Variants in MACROD1 observed in about 807,000 individuals in gnomAD.
The protein encoded by MACROD1 is ADP-ribose glycohydrolase MACROD1.
In MACROD1, 31 loss-of-function variants were observed where a neutral mutation model predicts 41.4. That is an observed-to-expected ratio of 0.75 (90% CI 0.56 to 1.01). The LOEUF (loss-of-function observed/expected upper bound fraction) is 1.01, where lower values mean the gene tolerates loss of function less well. Among genes scored for constraint, MACROD1 ranks in the 50% least tolerant of loss-of-function variants. The probability of loss-of-function intolerance (pLI) is 0.00; values close to 1 mark genes in which losing one functional copy is unlikely to be tolerated. For synonymous variants in MACROD1, 252 were observed against 203.4 expected (o/e 1.24, Z -2.03); for missense variants, 473 against 460.0 (o/e 1.03, Z -0.26).
intron 4 of MACROD1, chr11:64,001,611 A>G: frequency 1.4e-6 from 1 of 701,410 alleles, no homozygotes; most frequent in East Asian, 2.7e-5. Flanking sequence ...AGCTGGCACC[A>G]GGCAATTTCC....
chr11:64,157,240 G>A (rs2134721899), intron 1 of MACROD1, among the ~76,000 whole-genome samples: 1 of 152,190 alleles, frequency 6.6e-6, no homozygotes, highest in East Asian at 1.9e-4. Context: ...TTACAGGCAT[G>A]CACCACCACA....
chr11:64,001,955 G>A, intron 4 of MACROD1: 1 of 597,954 alleles, frequency 1.7e-6, no homozygotes, highest in South Asian at 1.9e-5. Flanking sequence ...TGGAAAATGG[G>A]ATAATAGCAC....
At chr11:64,119,862 C>T (rs980845158) in intron 3 of MACROD1, among the ~76,000 whole-genome samples, 11 of 152,104 alleles carry the variant, frequency 7.2e-5, no homozygotes, top group African/African-American at 2.7e-4. Context: ...ATAATGACAG[C>T]GAATTGGAGA....
intron 1 of MACROD1, among the ~76,000 whole-genome samples, chr11:64,160,894 C>CG (rs1401718421): frequency 5.3e-5 from 8 of 151,744 alleles, no homozygotes; most frequent in African/African-American, 1.9e-4. Flanking sequence ...GAGTGGGGGC[C>CG]GGGATGGTGG....
At chr11:64,054,519 C>G (rs1943749070) in intron 3 of MACROD1, among the ~76,000 whole-genome samples, 1 of 152,126 alleles carries the variant, frequency 6.6e-6, no homozygotes, top group Admixed American at 6.5e-5. Context: ...TGCATCTTCT[C>G]TCTGCTCAGA....
chr11:64,035,618 G>A (rs1206652820), intron 3 of MACROD1, among the ~76,000 whole-genome samples: 1 of 123,076 alleles, frequency 8.1e-6, no homozygotes, highest in African/African-American at 3.1e-5. Flanking sequence ...AGGGGGGCGC[G>A]GAGGCCGCTT....
chr11:64,037,521 G>A (rs944495176), intron 3 of MACROD1, among the ~76,000 whole-genome samples: 9 of 152,202 alleles, frequency 5.9e-5, no homozygotes, highest in African/African-American at 2.2e-4. Context: ...TGAGCTGACA[G>A]GGCCCGTGCC....
intron 3 of MACROD1, among the ~76,000 whole-genome samples, chr11:64,066,991 C>A (rs1944017118): frequency 6.6e-6 from 1 of 152,216 alleles, no homozygotes; most frequent in South Asian, 2.1e-4. Flanking sequence ...GCATCCCAAG[C>A]CTCTGCCCTC....
At chr11:64,151,544 G>A (rs1216943328) in intron 2 of MACROD1, among the ~76,000 whole-genome samples, 189 bp from the exon 3 acceptor site, 1 of 152,168 alleles carries the variant, frequency 6.6e-6, no homozygotes, top group Non-Finnish European at 1.5e-5. Flanking sequence ...CTAAAATCAC[G>A]CGGGGACTCC....
intron 5 of MACROD1, 25 bp from the exon 6 acceptor site, chr11:63,999,788 C>A: frequency 1.9e-6 from 3 of 1,594,790 alleles, no homozygotes; most frequent in Non-Finnish European, 2.6e-6. Flanking sequence ...GGGGTCAGAC[C>A]GGCGGGGGTC....
In MACROD1 at chr11:64,082,685, C is replaced by T. The variant is rs1039333128; in HGVS notation, c.518-67404G>A. ...AGCCCCAGACCCCTGTCCTGCTCCA[C>T]CCTGCAGGCCCCTGGGTCTCACACA... is the stretch of plus-strand genomic sequence containing the variant. On this transcript the variant is annotated intron_variant, in intron 3 of 10. Transcript: ENST00000255681. The surrounding 1 kb of genome is among the most constrained non-coding windows in gnomAD (Gnocchi z 4.5). Among the ~76,000 whole-genome samples the T allele has an allele frequency of 3.9e-5, 6 of 152,134 alleles. No individual in the cohort carries two copies. The highest frequency in any genetic ancestry group is 1.4e-4 in the African/African-American group (6 of 41,420).
chr11:64,115,602 C>G (rs1001766601), intron 3 of MACROD1, among the ~76,000 whole-genome samples: 1 of 152,346 alleles, frequency 6.6e-6, no homozygotes, highest in Middle Eastern at 3.4e-3. Flanking sequence ...GACAATGAAG[C>G]TCCCTGCTCT....
intron 3 of MACROD1, among the ~76,000 whole-genome samples, chr11:64,050,978 CCT>C (rs758477432): frequency 1.3e-5 from 2 of 152,234 alleles, no homozygotes; most frequent in African/African-American, 2.4e-5. Context: ...AGGCCTGTCC[CCT>C]GAGCCCCACT....
chr11:64,033,280 A>T (rs556447972), intron 3 of MACROD1, among the ~76,000 whole-genome samples: 1 of 152,380 alleles, frequency 6.6e-6, no homozygotes, highest in South Asian at 2.1e-4. Flanking sequence ...CCTGGCACAC[A>T]GTGGACTCCC....
At chr11:64,107,554 G>A (rs1295524016) in intron 3 of MACROD1, among the ~76,000 whole-genome samples, 1 of 152,200 alleles carries the variant, frequency 6.6e-6, no homozygotes, top group Non-Finnish European at 1.5e-5. Flanking sequence ...TGCAATTACC[G>A]CCAGTGATAA....
chr11:64,092,171 T>C (rs1053594829), intron 3 of MACROD1, among the ~76,000 whole-genome samples: 1 of 152,234 alleles, frequency 6.6e-6, no homozygotes, highest in African/African-American at 2.4e-5. Flanking sequence ...GTGGAGTCAC[T>C]GCACAGTCTC....
intron 3 of MACROD1, among the ~76,000 whole-genome samples, chr11:64,021,260 T>C (rs1943148546): frequency 6.6e-6 from 1 of 152,152 alleles, no homozygotes; most frequent in Admixed American, 6.5e-5. Flanking sequence ...CCTGGGGCCC[T>C]TGGGAGGCAG....
intron 3 of MACROD1, among the ~76,000 whole-genome samples, chr11:64,136,778 G>A (rs539522897): frequency 1.3e-5 from 2 of 152,336 alleles, no homozygotes; most frequent in South Asian, 2.1e-4. Context: ...AATTAGCCAC[G>A]GGCTCAGCCT....
chr11:64,034,042 C>G (rs1218890806), intron 3 of MACROD1, among the ~76,000 whole-genome samples: 2 of 152,202 alleles, frequency 1.3e-5, no homozygotes, highest in Non-Finnish European at 2.9e-5. Flanking sequence ...CACTGCGAGG[C>G]ATTGAGTGCC....
Sources: gnomAD v4.1 joint callset for allele counts (sites outside exome capture counted in the v4.1 genomes callset) on GRCh38, gnomAD v4.1.1 for gene constraint, Gnocchi (gnomAD v3.1) non-coding constraint, MANE v1.5 for transcripts, NCBI Gene and HGNC (gene_info 2026-07-23, HGNC 2026-07-21) for gene names.